Variants in DLGAP2 observed in about 807,000 individuals in gnomAD.
The protein encoded by DLGAP2 is disks large-associated protein 2.
Under a neutral mutation model 100.3 loss-of-function variants are expected in DLGAP2, and 26 were observed. The ratio of observed to expected loss-of-function variants is 0.26; its 90% CI spans 0.19 to 0.36. DLGAP2 has a LOEUF of 0.36. DLGAP2 is among the 10% of genes least tolerant of loss of function. DLGAP2 has a pLI of 1.00. For synonymous variants in DLGAP2, 886 were observed against 630.1 expected (o/e 1.41, Z -6.08); for missense variants, 1,858 against 1,453.2 (o/e 1.28, Z -4.53).
At chr8:1,520,302 T>C (rs882119) in intron 4 of DLGAP2, among the ~76,000 whole-genome samples, 28,282 of 152,126 alleles carry the variant, frequency 0.19, 6,301 homozygotes, top group African/African-American at 0.53. Flanking sequence ...AGGGGAGCGA[T>C]GCAATCGGGG....
At chr8:1,691,765 C>G (rs1268219051) in intron 13 of DLGAP2, 139 bp downstream of exon 13, 1 of 761,448 alleles carries the variant, frequency 1.3e-6, no homozygotes, top group East Asian at 2.8e-5. Flanking sequence ...ACAGAAGAGG[C>G]TTCCCGCCCT....
In DLGAP2 at chr8:1,062,421, G is replaced by A. The variant is rs143523019; in HGVS notation, c.73+154455G>A. ...AGCTTCCCTGAGTGTAGGTCTCCCC[G>A]TCCACCCAGACGCCTCCTGCGCTCG... On this transcript the variant is annotated intron_variant, in intron 2 of 14. Transcript: ENST00000637795. Among the ~76,000 whole-genome samples the A allele has an allele frequency of 3.9e-3, 590 of 152,086 alleles. 5 individuals carry two copies. Among genetic ancestry groups the A allele is most frequent in the African/African-American group, 0.014 (567 of 41,474 alleles).
Position 865,749 on chromosome 8 carries a change from A to C in DLGAP2, c.19-42163A>C, listed in dbSNP as rs866297258. On this transcript the variant is annotated intron_variant, in intron 1 of 14. Coordinates refer to ENST00000637795, the MANE Select transcript of DLGAP2 (RefSeq NM_001346810.2). ...TGAGCTGCGTGGATGTCTGCCATGG[A>C]GCCCTTTTCTCTCCTGGCAGGGATG... Among the ~76,000 whole-genome samples, 4 of 152,252 alleles carry C rather than the reference A, an allele frequency of 2.6e-5. No homozygotes were observed. In the South Asian group the frequency reaches 8.3e-4, roughly 32 times the overall value.
intron 2 of DLGAP2, among the ~76,000 whole-genome samples, chr8:909,993 G>A (rs1798453267): frequency 6.6e-6 from 1 of 152,196 alleles, no homozygotes; most frequent in South Asian, 2.1e-4. Context: ...CTACCTCAAT[G>A]GTTTTGTGGA....
chr8:1,100,118 A>G (rs1804526912), intron 2 of DLGAP2, among the ~76,000 whole-genome samples: 1 of 148,998 alleles, frequency 6.7e-6, no homozygotes, highest in Middle Eastern at 3.3e-3. Flanking sequence ...TCCAGCATGT[A>G]CAGTGTGTGT....
At chr8:1,027,768 G>A (rs1355569348) in intron 2 of DLGAP2, among the ~76,000 whole-genome samples, 1 of 132,606 alleles carries the variant, frequency 7.5e-6, no homozygotes, top group Non-Finnish European at 1.6e-5. Flanking sequence ...TCCAGGTGGG[G>A]TGTCAGGCGC....
At chr8:1,217,188 A>G (rs1174462019) in intron 2 of DLGAP2, among the ~76,000 whole-genome samples, 2 of 152,080 alleles carry the variant, frequency 1.3e-5, no homozygotes, top group Non-Finnish European at 2.9e-5. Flanking sequence ...TTAGCTCTCA[A>G]TTATCAGGGA....
chr8:794,601 G>T (rs558114307), intron 1 of DLGAP2, among the ~76,000 whole-genome samples: 2 of 152,192 alleles, frequency 1.3e-5, no homozygotes, highest in East Asian at 3.9e-4. Context: ...ATGCCTTTAA[G>T]TGGTTTTCTA....
intron 3 of DLGAP2, among the ~76,000 whole-genome samples, chr8:1,391,491 A>AT (rs1563122658): frequency 6.6e-6 from 1 of 152,172 alleles, no homozygotes; most frequent in African/African-American, 2.4e-5. Flanking sequence ...ATGAAAAATG[A>AT]TAATAGCTGG....
At chr8:1,365,074 C>A (rs555987917) in intron 3 of DLGAP2, among the ~76,000 whole-genome samples, 1 of 152,268 alleles carries the variant, frequency 6.6e-6, no homozygotes, top group South Asian at 2.1e-4. Context: ...ATAGAGAAAC[C>A]CCGCAAGGAC....
At chr8:998,390 T>A (rs940727603) in intron 2 of DLGAP2, among the ~76,000 whole-genome samples, 1 of 152,070 alleles carries the variant, frequency 6.6e-6, no homozygotes, top group African/African-American at 2.4e-5. Flanking sequence ...CGCCTTGAAC[T>A]CCTGGGCTCA....
chr8:1,610,678 T>A (rs1349033302), intron 6 of DLGAP2, among the ~76,000 whole-genome samples: 1 of 131,536 alleles, frequency 7.6e-6, no homozygotes, highest in Non-Finnish European at 1.6e-5. Flanking sequence ...AAGAATCAAA[T>A]AGACACAATA....
intron 3 of DLGAP2, among the ~76,000 whole-genome samples, chr8:1,296,693 A>C (rs774427549): frequency 2.0e-5 from 3 of 152,170 alleles, no homozygotes; most frequent in African/African-American, 4.8e-5. Flanking sequence ...TTTCCTCCCC[A>C]CTTTACAAAG....
chr8:1,138,083 C>T (rs6984104), intron 2 of DLGAP2, among the ~76,000 whole-genome samples: 4,354 of 152,334 alleles, frequency 0.029, 123 homozygotes, highest in African/African-American at 0.076. Context: ...CCGCTGACAC[C>T]GGGATGGCAG....
chr8:1,305,693 A>G (rs924085835), intron 3 of DLGAP2, among the ~76,000 whole-genome samples: 1 of 152,206 alleles, frequency 6.6e-6, no homozygotes, highest in Non-Finnish European at 1.5e-5. Flanking sequence ...TGCTGGGACA[A>G]AAATTACACT....
At chr8:1,194,313 C>G (rs371395197) in intron 2 of DLGAP2, among the ~76,000 whole-genome samples, 2 of 152,084 alleles carry the variant, frequency 1.3e-5, no homozygotes, top group Admixed American at 6.5e-5. Context: ...TTGGCAGTGC[C>G]GCGTCCCGGC....
intron 2 of DLGAP2, among the ~76,000 whole-genome samples, chr8:1,009,729 G>A (rs1000259605): frequency 2.6e-5 from 4 of 152,220 alleles, no homozygotes; most frequent in African/African-American, 9.7e-5. Context: ...CCTGCTGCGT[G>A]TGTAGAGTGG....
chr8:828,085 A>G lies in DLGAP2; in HGVS notation c.19-79827A>G, dbSNP rs1286722485. 2.6e-5 allele frequency among the ~76,000 whole-genome samples: 4 copies of G among 152,166 alleles called. No homozygotes were observed. The East Asian group carries it at 7.7e-4, about 29-fold the overall frequency. The stretch of plus-strand genomic sequence containing the variant: ...CAGGGTAATAGAATATCACAAGGCA[A>G]GTGGAGGCACGGCGAGATCACAGGA... On this transcript the variant is annotated intron_variant, in intron 1 of 14. Coordinates refer to ENST00000637795, the MANE Select transcript of DLGAP2 (RefSeq NM_001346810.2).
At chr8:834,744 C>T (rs1398641574) in intron 1 of DLGAP2, among the ~76,000 whole-genome samples, 1 of 152,072 alleles carries the variant, frequency 6.6e-6, no homozygotes, top group Non-Finnish European at 1.5e-5. Context: ...GTGACAGGAT[C>T]CTATTGGGTA....
Sources: gnomAD v4.1 joint callset for allele counts (sites outside exome capture counted in the v4.1 genomes callset) on GRCh38, gnomAD v4.1.1 for gene constraint, MANE v1.5 for transcripts, NCBI Gene and HGNC (gene_info 2026-07-23, HGNC 2026-07-21) for gene names.